Variants in CCSER1 observed in about 807,000 individuals in gnomAD.
The protein encoded by CCSER1 is coiled-coil serine rich protein 1.
Under a neutral mutation model 82.0 loss-of-function variants are expected in CCSER1, and 41 were observed. The observed-to-expected ratio is 0.50, with a 90% confidence interval of 0.39 to 0.65. The LOEUF is 0.65. Among genes scored for constraint, CCSER1 ranks in the 30% least tolerant of loss-of-function variants. The pLI, the probability that CCSER1 is intolerant of heterozygous loss-of-function variation, is 0.00. For synonymous variants in CCSER1, 414 were observed against 383.9 expected, an observed-to-expected ratio of 1.08 and a Z score of -0.92; for missense variants, 1,119 against 1,064.2, an observed-to-expected ratio of 1.05 and a Z score of -0.72.
At chr4:90,916,164 C>A (rs909985486) in intron 8 of CCSER1, among the ~76,000 whole-genome samples, 2 of 152,208 alleles carry the variant, frequency 1.3e-5, no homozygotes. Context: ...GAAAAAACTA[C>A]TTTAAAGTTC....
chr4:90,845,109 C>A (rs1244867589), intron 8 of CCSER1, among the ~76,000 whole-genome samples: 4 of 152,050 alleles, frequency 2.6e-5, no homozygotes, highest in Non-Finnish European at 5.9e-5. Context: ...ACTCCTGTAA[C>A]CCCAACACTC....
chr4:91,510,312 C>T (rs1759749849), intron 10 of CCSER1, among the ~76,000 whole-genome samples: 1 of 152,174 alleles, frequency 6.6e-6, no homozygotes, highest in Non-Finnish European at 1.5e-5. Context: ...TTGTCATAAA[C>T]ATATGAGTGT....
At chr4:90,600,250 T>C (rs6847520) in intron 5 of CCSER1, among the ~76,000 whole-genome samples, 2,098 of 152,252 alleles carry the variant, frequency 0.014, 48 homozygotes, top group African/African-American at 0.049. Context: ...TCAGGACAGG[T>C]TTAAATATTT....
chr4:91,022,910 G>A (rs1262016698), intron 9 of CCSER1, among the ~76,000 whole-genome samples: 3 of 152,026 alleles, frequency 2.0e-5, no homozygotes, highest in African/African-American at 7.2e-5. Flanking sequence ...CTGGATGTTA[G>A]CCCTTTGTCA....
intron 10 of CCSER1, among the ~76,000 whole-genome samples, chr4:91,446,107 ATTG>A (rs1755537297): frequency 1.3e-5 from 2 of 152,160 alleles, no homozygotes; most frequent in South Asian, 4.1e-4. Flanking sequence ...TTTATTGTGT[ATTG>A]TTTTAATGCC....
intron 5 of CCSER1, among the ~76,000 whole-genome samples, chr4:90,471,996 C>T (rs960155962): frequency 6.6e-6 from 1 of 151,654 alleles, no homozygotes; most frequent in South Asian, 2.1e-4. Context: ...AAATAGTAGA[C>T]ATAAAATAAT....
At chr4:90,792,535 G>T (rs973724483) in intron 7 of CCSER1, among the ~76,000 whole-genome samples, 1 of 152,168 alleles carries the variant, frequency 6.6e-6, no homozygotes, top group African/African-American at 2.4e-5. Flanking sequence ...ATGGCAGAAG[G>T]GTGCCTACTA....
intron 3 of CCSER1, among the ~76,000 whole-genome samples, chr4:90,367,316 CGGGGA>C (rs1561106867): frequency 6.6e-6 from 1 of 151,478 alleles, no homozygotes. Flanking sequence ...CTTTATAAGC[CGGGGA>C]TCCCTTATGA....
chr4:90,910,881 AAC>A (rs146932880), intron 8 of CCSER1, among the ~76,000 whole-genome samples: 7,467 of 152,266 alleles, frequency 0.049, 515 homozygotes, highest in African/African-American at 0.15. Context: ...GCCAACTATT[AAC>A]ACTTGTGGGT....
intron 8 of CCSER1, among the ~76,000 whole-genome samples, chr4:90,922,799 A>ATT (rs1561369516): frequency 3.3e-5 from 5 of 152,106 alleles, no homozygotes; most frequent in African/African-American, 1.2e-4. Context: ...TTACTCAGAA[A>ATT]TCGTAGTTTC....
chr4:91,230,617 A>G (rs914762522), intron 10 of CCSER1, among the ~76,000 whole-genome samples: 1 of 151,940 alleles, frequency 6.6e-6, no homozygotes, highest in Non-Finnish European at 1.5e-5. Context: ...TTTCTGTGTC[A>G]TGGGTGTGGA....
At chr4:91,186,482 C>A (rs1263853474) in intron 10 of CCSER1, among the ~76,000 whole-genome samples, 2 of 152,060 alleles carry the variant, frequency 1.3e-5, no homozygotes, top group Non-Finnish European at 2.9e-5. Context: ...AATCCTTCGA[C>A]CTGGATTCGA....
At chr4:90,147,446 T>C (rs925545241) in intron 1 of CCSER1, among the ~76,000 whole-genome samples, 3 of 152,168 alleles carry the variant, frequency 2.0e-5, no homozygotes, top group Non-Finnish European at 2.9e-5. Flanking sequence ...ATGAATTGTT[T>C]CTGGTTTATT....
At chr4:91,491,540 A>C (rs1167883311) in intron 10 of CCSER1, among the ~76,000 whole-genome samples, 2 of 152,158 alleles carry the variant, frequency 1.3e-5, no homozygotes, top group Non-Finnish European at 1.5e-5. Context: ...ATATATGCTC[A>C]AGATATTGGT....
intron 3 of CCSER1, among the ~76,000 whole-genome samples, chr4:90,389,211 A>G (rs1015130229): frequency 6.6e-6 from 1 of 152,210 alleles, no homozygotes; most frequent in African/African-American, 2.4e-5. Context: ...TGGGAAATTC[A>G]TACAATTTTC....
chr4:90,510,372 G>T (rs2153616681), intron 5 of CCSER1, among the ~76,000 whole-genome samples: 1 of 152,180 alleles, frequency 6.6e-6, no homozygotes, highest in South Asian at 2.1e-4. Context: ...GTAATAATTG[G>T]CATTGTCTTT....
intron 8 of CCSER1, among the ~76,000 whole-genome samples, chr4:90,835,265 A>T (rs1761656083): frequency 6.6e-6 from 1 of 152,110 alleles, no homozygotes; most frequent in South Asian, 2.1e-4. Flanking sequence ...CGGGAGGGGG[A>T]GCTTGCAGTG....
chr4:91,533,313 T>C (rs370535633), intron 10 of CCSER1, among the ~76,000 whole-genome samples: 7 of 152,294 alleles, frequency 4.6e-5, no homozygotes, highest in African/African-American at 1.7e-4. Flanking sequence ...GTTACTAGAC[T>C]CTCAAACTCT....
chr4:90,193,578 T>A (rs1016925728), intron 1 of CCSER1, among the ~76,000 whole-genome samples: 1 of 112,220 alleles, frequency 8.9e-6, no homozygotes, highest in African/African-American at 3.4e-5. Context: ...AGCACCATAT[T>A]ACCTAGTTTT....
Sources: gnomAD v4.1 joint callset for allele counts (sites outside exome capture counted in the v4.1 genomes callset) on GRCh38, gnomAD v4.1.1 for gene constraint, MANE v1.5 for transcripts, NCBI Gene and HGNC (gene_info 2026-07-23, HGNC 2026-07-21) for gene names.